ZNF121: variants seen among roughly 807,000 people sequenced by gnomAD.
ZNF121 encodes zinc finger protein 121 (clone ZHC32).
Under a neutral mutation model 2.4 loss-of-function variants are expected in ZNF121, and 1 was observed. The observed-to-expected ratio is 0.41, with a 90% CI of 0.15 to 1.94. ZNF121 has a LOEUF of 1.94. Ranked by LOEUF, ZNF121 falls within the 30% of genes most tolerant of loss-of-function variation. The pLI, the probability that ZNF121 is intolerant of heterozygous loss-of-function variation, is 0.30. For missense variants in ZNF121, 369 were observed against 466.3 expected (o/e 0.79, Z 1.92); for synonymous variants, 173 against 158.6 (o/e 1.09, Z -0.68).
At position 9,560,648 on chromosome 19, in the gene ZNF121, A is replaced by G. The variant is rs971531149; in HGVS notation, c.*5292T>C. 2 of 152,234 alleles carry G rather than the reference A, an allele frequency of 1.3e-5. No homozygotes were observed. The highest frequency in any genetic ancestry group is 6.5e-5 in the Admixed American group (1 of 15,276). 9.4% of individuals were successfully genotyped at this position (152,234 alleles called of 1,614,324 possible). On this transcript the variant is annotated 3_prime_UTR_variant, in exon 4 of 4. Transcript: ENST00000320451. ...TAACGTCCATGTTGTAGCATATGGC[A>G]GAATTTTGTTTTTAAGGCTAAATGA...
Position 9,567,125 on chromosome 19 carries a change from T to A in ZNF121, c.4-16A>T. On this transcript the variant is annotated splice_polypyrimidine_tract_variant and intron_variant, in intron 3 of 3. Coordinates refer to ENST00000320451, the MANE Select transcript of ZNF121 (RefSeq NM_001008727.5). ...GGATTTCTGCCTGTTAATAAAGGGA[T>A]GAATGATGATTAAAGGATTTTTCAG... 6.3e-7 allele frequency: 1 copy of A among 1,577,622 alleles called. No homozygotes were observed. Among genetic ancestry groups the A allele is most frequent in the Non-Finnish European group, 8.6e-7 (1 of 1,159,072 alleles).
intron 1 of ZNF121, among the ~76,000 whole-genome samples, chr19:9,575,454 G>T (rs2074203837): frequency 6.7e-6 from 1 of 150,140 alleles, no homozygotes; most frequent in Admixed American, 6.7e-5. Context: ...GATAAAGAAG[G>T]TCTCTATAGC....
At position 9,561,831 on chromosome 19, in the gene ZNF121, G is replaced by C. The variant is rs9676342; in HGVS notation, c.*4109C>G. On this transcript the variant is annotated 3_prime_UTR_variant, in exon 4 of 4. Coordinates refer to ENST00000320451, the MANE Select transcript of ZNF121 (RefSeq NM_001008727.5). ...CCCAGGAGGTCAAGGCTATAGTGAG[G>C]CATGATCATGCCACCGCACTCCACA... 26,035 of 150,050 alleles carry C rather than the reference G, an allele frequency of 0.17. 3,569 individuals carry two copies. The highest frequency in any genetic ancestry group is 0.38 in the African/African-American group (15,556 of 40,712). The allele number at this position is 150,050 out of a possible 1,614,324, so 9.3% of individuals were successfully genotyped here. A position where few individuals can be genotyped will look rare whatever the true frequency, so the allele number is the denominator to read the frequency against.
In ZNF121 at chr19:9,580,560, G is replaced by A. The variant is rs1436931702; in HGVS notation, c.-160+3901C>T. ...AGAACTGTCAATAGAGCTACCACCC[G>A]TAAACCTCTTGAATTTTGGAGGCAA... On this transcript the variant is annotated intron_variant, in intron 1 of 3. Coordinates refer to ENST00000320451, the MANE Select transcript of ZNF121 (RefSeq NM_001008727.5). Among the ~76,000 whole-genome samples, 6 of 152,002 alleles carry A rather than the reference G, an allele frequency of 3.9e-5. No individual in the cohort carries two copies. The South Asian group carries it at 1.0e-3, about 26-fold the overall frequency.
Position 9,564,527 on chromosome 19 carries a change from A to G in ZNF121, c.*1413T>C, listed in dbSNP as rs1191164702. 2 of 152,182 alleles carry G rather than the reference A, an allele frequency of 1.3e-5. No individual in the cohort carries two copies. The highest frequency in any genetic ancestry group is 2.9e-5 in the Non-Finnish European group (2 of 68,038). The allele number at this position is 152,182 out of a possible 1,614,324, so 9.4% of individuals were successfully genotyped here. On this transcript the variant is annotated 3_prime_UTR_variant, in exon 4 of 4. Transcript: ENST00000320451. ...ATGTGATGGAAAAAAGAGAACTAGA[A>G]TTAGAAGTGGAGCCTGAAGATGTGA...
chr19:9,572,507 C>A (rs1041942497), intron 1 of ZNF121, among the ~76,000 whole-genome samples: 45 of 152,262 alleles, frequency 3.0e-4, no homozygotes, highest in African/African-American at 9.9e-4. Context: ...CATCCCAGCC[C>A]TGGAAACTCT....
intron 1 of ZNF121, among the ~76,000 whole-genome samples, chr19:9,582,519 G>T (rs1389742297): frequency 2.0e-5 from 3 of 151,894 alleles, no homozygotes; most frequent in Non-Finnish European, 2.9e-5. Context: ...CTATAAAACT[G>T]CCCGACCCCT....
At chr19:9,568,197 GA>G (rs1000672639) in intron 2 of ZNF121, 22 bp from the exon 3 acceptor site, 119 of 1,223,404 alleles carry the variant, frequency 9.7e-5, no homozygotes, top group Middle Eastern at 4.6e-4. Context: ...CAGAAAAAAA[GA>G]AAAAAAAATA....
At chr19:9,572,714 G>A (rs2074182646) in intron 1 of ZNF121, among the ~76,000 whole-genome samples, 2 of 152,310 alleles carry the variant, frequency 1.3e-5, no homozygotes, top group Admixed American at 1.3e-4. Flanking sequence ...AGGCAAACGT[G>A]GGTTTAAGAT....
At chr19:9,570,881 G>A (rs564682237) in intron 1 of ZNF121, among the ~76,000 whole-genome samples, 7 of 152,228 alleles carry the variant, frequency 4.6e-5, no homozygotes, top group South Asian at 4.1e-4. Context: ...GCACCCAGCC[G>A]AGTTCCCTGC....
At chr19:9,568,322 C>T (rs2074148912) in intron 2 of ZNF121, 147 bp from the exon 3 acceptor site, 1 of 419,598 alleles carries the variant, frequency 2.4e-6, no homozygotes, top group African/African-American at 2.0e-5. Flanking sequence ...AACAGTTTAT[C>T]CATGACGAAC....
In ZNF121 at chr19:9,560,457, A is replaced by G. The variant is rs567411054; in HGVS notation, c.*5483T>C. 1.0e-3 allele frequency: 158 copies of G among 152,324 alleles called. 3 individuals are homozygous for G. The highest frequency in any genetic ancestry group is 3.7e-3 in the African/African-American group (154 of 41,572). 9.4% of individuals were successfully genotyped at this position (152,324 alleles called of 1,614,324 possible). A position where few individuals can be genotyped will look rare whatever the true frequency, so the allele number is the denominator to read the frequency against. Reference sequence around the variant, plus strand: ...ACAACAAATCTCAAAAAGCTTTTCCATCTTGCGTGGCTGACACTCAATACC... The same window carrying G: ...ACAACAAATCTCAAAAAGCTTTTCCGTCTTGCGTGGCTGACACTCAATACC... On this transcript the variant is annotated 3_prime_UTR_variant, in exon 4 of 4. Transcript: ENST00000320451.
At position 9,568,187 on chromosome 19, in the gene ZNF121, C is replaced by CAGAAAAAA. The variant is rs1282576568; in HGVS notation, c.-78-20_-78-13dup. ...TTTAACTTGCCATTCTGAAGTAAAA[C>CAGAAAAAA]AGAAAAAAAGAAAAAAAAATAGGGT... On this transcript the variant is annotated splice_polypyrimidine_tract_variant and intron_variant, in intron 2 of 3. Coordinates refer to ENST00000320451, the MANE Select transcript of ZNF121 (RefSeq NM_001008727.5). 2.3e-6 allele frequency: 3 copies of CAGAAAAAA among 1,326,374 alleles called. No individual in the cohort carries two copies. The highest frequency in any genetic ancestry group is 3.0e-6 in the Non-Finnish European group (3 of 992,866). The allele number at this position is 1,326,374 out of a possible 1,614,324, so 82.2% of individuals were successfully genotyped here.
intron 1 of ZNF121, among the ~76,000 whole-genome samples, chr19:9,576,739 A>G (rs958193752): frequency 1.3e-5 from 2 of 152,104 alleles, no homozygotes; most frequent in East Asian, 1.9e-4. Flanking sequence ...GACTAAGGGG[A>G]AAAAAAGGAC....
chr19:9,576,696 A>C (rs926908361), intron 1 of ZNF121, among the ~76,000 whole-genome samples: 1 of 152,170 alleles, frequency 6.6e-6, no homozygotes, highest in Non-Finnish European at 1.5e-5. Flanking sequence ...TGATTACTTG[A>C]AAAGATAAAC....
chr19:9,562,158 G>A lies in ZNF121; in HGVS notation c.*3782C>T, dbSNP rs1224373050. 1.5e-5 allele frequency: 2 copies of A among 132,556 alleles called. No individual in the cohort carries two copies. The highest frequency in any genetic ancestry group is 5.8e-5 in the African/African-American group (2 of 34,474). The allele number at this position is 132,556 out of a possible 1,614,324, so 8.2% of individuals were successfully genotyped here. A position where few individuals can be genotyped will look rare whatever the true frequency, so the allele number is the denominator to read the frequency against. On this transcript the variant is annotated 3_prime_UTR_variant, in exon 4 of 4. Coordinates refer to ENST00000320451, the MANE Select transcript of ZNF121 (RefSeq NM_001008727.5). ...ATTATTATACTTACTGTGGTGCTGT[G>A]TGATTTTTTTTTTTTTTTTTTTTTG...
At position 9,563,703 on chromosome 19, in the gene ZNF121, G is replaced by A. The variant is rs1187899173; in HGVS notation, c.*2237C>T. 6.6e-6 allele frequency: 1 copy of A among 152,200 alleles called. No homozygotes were observed. Among genetic ancestry groups the A allele is most frequent in the Admixed American group, 6.5e-5 (1 of 15,278 alleles). The allele number at this position is 152,200 out of a possible 1,614,324, so 9.4% of individuals were successfully genotyped here. A position where few individuals can be genotyped will look rare whatever the true frequency, so the allele number is the denominator to read the frequency against. ...GCCTCCCAAAGCACTGGAATTACAG[G>A]TGTAAGCCACTTTTCCCAGCCTGGG... On this transcript the variant is annotated 3_prime_UTR_variant, in exon 4 of 4. Transcript: ENST00000320451.
intron 1 of ZNF121, among the ~76,000 whole-genome samples, chr19:9,574,051 C>T (rs1473950456): frequency 3.4e-5 from 5 of 147,000 alleles, no homozygotes; most frequent in East Asian, 2.0e-4. Context: ...TTTGTAGAGA[C>T]GGGGCTTCAC....
rs57109713 is a variant in ZNF121, at chr19:9,565,669, CAAATAAAATAAAATAAAATA to C, written c.*251_*270del. 3.0e-3 allele frequency: 447 copies of C among 148,840 alleles called. 1 individual carries two copies. The highest frequency in any genetic ancestry group is 6.2e-3 in the African/African-American group (250 of 40,542). 9.2% of individuals were successfully genotyped at this position (148,840 alleles called of 1,614,324 possible). ...TGATGACAACAGCAAAACTCTGTCT[CAAATAAAATAAAATAAAATA>C]AAATAAAATAAAATAAAATAAAATA... On this transcript the variant is annotated 3_prime_UTR_variant, in exon 4 of 4. Transcript: ENST00000320451.
Sources: gnomAD v4.1 joint callset for allele counts (sites outside exome capture counted in the v4.1 genomes callset) on GRCh38, gnomAD v4.1.1 for gene constraint, MANE v1.5 for transcripts, NCBI Gene and HGNC (gene_info 2026-07-23, HGNC 2026-07-21) for gene names.